The following KLF7 variants were observed in gnomAD, a reference collection of about 807,000 sequenced individuals.
KLF7 encodes the protein KLF transcription factor 7, also known as Krueppel-like factor 7.
A neutral mutation model predicts 27.3 loss-of-function variants in KLF7; 2 were observed. The observed-to-expected ratio is 0.07, with a 90% CI of 0.03 to 0.23. The LOEUF (loss-of-function observed/expected upper bound fraction) is 0.23. Among genes scored for constraint, KLF7 ranks in the 10% least tolerant of loss-of-function variants. The pLI, the probability that KLF7 is intolerant of heterozygous loss-of-function variation, is 1.00. For missense variants in KLF7, 221 were observed against 394.1 expected, an observed-to-expected ratio of 0.56 and a Z score of 3.72; for synonymous variants, 165 against 162.4, an observed-to-expected ratio of 1.02 and a Z score of -0.12.
chr2:207,093,044 A>T (rs1286796310), intron 2 of KLF7, among the ~76,000 whole-genome samples: 1 of 152,216 alleles, frequency 6.6e-6, no homozygotes, highest in Non-Finnish European at 1.5e-5. Flanking sequence ...TATTCTACTT[A>T]TAACAGTCAA....
intron 1 of KLF7, among the ~76,000 whole-genome samples, chr2:207,164,410 T>C (rs1001477003): frequency 1.3e-5 from 2 of 152,150 alleles, no homozygotes; most frequent in Non-Finnish European, 2.9e-5. Context: ...TCTTGGACTT[T>C]CCATGGTGCA....
chr2:207,120,923 A>G (rs2077322563), intron 2 of KLF7: 1 of 152,196 alleles, frequency 6.6e-6, no homozygotes, highest in South Asian at 2.1e-4. Context: ...CCAATTCCAA[A>G]TAAATACTTC....
intron 2 of KLF7, among the ~76,000 whole-genome samples, chr2:207,107,960 G>C (rs552198043): frequency 6.6e-6 from 1 of 152,302 alleles, no homozygotes; most frequent in Admixed American, 6.5e-5. Flanking sequence ...AAGCTGTTCA[G>C]TTAATTTTAA....
chr2:207,149,146 G>T (rs567815916), intron 1 of KLF7: 1 of 1,287,848 alleles, frequency 7.8e-7, no homozygotes, highest in South Asian at 1.2e-5. Context: ...TGATTTCATA[G>T]TCAATAATAA....
intron 1 of KLF7, among the ~76,000 whole-genome samples, chr2:207,130,708 G>T (rs2077607260): frequency 6.6e-6 from 1 of 152,108 alleles, no homozygotes; most frequent in South Asian, 2.1e-4. Flanking sequence ...AACATAAAAG[G>T]TTCAGTTTTT....
chr2:207,115,406 T>C (rs2077151729), intron 2 of KLF7, among the ~76,000 whole-genome samples: 1 of 152,226 alleles, frequency 6.6e-6, no homozygotes, highest in African/African-American at 2.4e-5. Flanking sequence ...TTATTCTCAT[T>C]GCAGACATCC....
At chr2:207,159,561 A>G (rs1336585110) in intron 1 of KLF7, among the ~76,000 whole-genome samples, 3 of 152,202 alleles carry the variant, frequency 2.0e-5, no homozygotes, top group Non-Finnish European at 1.5e-5. Context: ...GCATTGCCCA[A>G]ATACAGTATT....
intron 2 of KLF7, chr2:207,122,109 GA>G (rs2077356466): frequency 6.6e-6 from 1 of 152,186 alleles, no homozygotes; most frequent in Non-Finnish European, 1.5e-5. Context: ...ACTTTAGAAA[GA>G]AAGAAGTATC....
At chr2:207,133,829 C>A (rs2077705297) in intron 1 of KLF7, among the ~76,000 whole-genome samples, 1 of 152,158 alleles carries the variant, frequency 6.6e-6, no homozygotes, top group Non-Finnish European at 1.5e-5. Context: ...ATTTTAAACT[C>A]ACCAATCTCA....
chr2:207,126,170 C>T (rs1190926195), intron 1 of KLF7, among the ~76,000 whole-genome samples: 1 of 152,080 alleles, frequency 6.6e-6, no homozygotes, highest in African/African-American at 2.4e-5. Flanking sequence ...TTCTGAACTC[C>T]ACTTCTCAAA....
chr2:207,105,397 T>C (rs1038932865), intron 2 of KLF7, among the ~76,000 whole-genome samples: 14 of 152,076 alleles, frequency 9.2e-5, no homozygotes, highest in African/African-American at 3.1e-4. Context: ...GCTTGCAAGG[T>C]AGGTGGTGAT....
At chr2:207,124,504 G>C (rs775178104) in intron 1 of KLF7, 100 bp from the exon 2 acceptor site, 2 of 1,202,006 alleles carry the variant, frequency 1.7e-6, no homozygotes, top group Non-Finnish European at 1.2e-6. Flanking sequence ...AGAGAGAATG[G>C]TGTCATGGCT....
In KLF7 at chr2:207,105,272, G is replaced by C. The variant is rs372344053; in HGVS notation, c.734-16691C>G. Among the ~76,000 whole-genome samples the C allele has an allele frequency of 2.6e-5, 4 of 152,294 alleles. No homozygotes were observed. In the East Asian group the frequency reaches 7.7e-4, roughly 29 times the overall value. On this transcript the variant is annotated intron_variant, in intron 2 of 3. Coordinates refer to ENST00000309446, the MANE Select transcript of KLF7 (RefSeq NM_003709.4). The stretch of plus-strand genomic sequence containing the variant: ...CCTGCCGCCCCTTTCTGAAGGGTAG[G>C]TACTGACTGGGCTGGAGTGAAGGAG...
At chr2:207,149,505 A>G (rs907399099) in intron 1 of KLF7, among the ~76,000 whole-genome samples, 1 of 152,174 alleles carries the variant, frequency 6.6e-6, no homozygotes, top group African/African-American at 2.4e-5. Context: ...TCCACTGTTG[A>G]TAAGGCACTC....
At chr2:207,150,172 T>C (rs1272675160) in intron 1 of KLF7, among the ~76,000 whole-genome samples, 1 of 152,120 alleles carries the variant, frequency 6.6e-6, no homozygotes. Flanking sequence ...AAAATACAAT[T>C]GTTAAGAATG....
chr2:207,101,864 C>T (rs1450718897), intron 2 of KLF7, among the ~76,000 whole-genome samples: 1 of 152,152 alleles, frequency 6.6e-6, no homozygotes, highest in Non-Finnish European at 1.5e-5. Context: ...TATGTAGCTC[C>T]ACAAAACCAA....
chr2:207,116,517 T>A (rs2244089), intron 2 of KLF7, among the ~76,000 whole-genome samples: 1 of 152,078 alleles, frequency 6.6e-6, no homozygotes, highest in Non-Finnish European at 1.5e-5. Flanking sequence ...CCATCAATTC[T>A]TATAACGTCA....
rs1574523263 is a variant in KLF7 at position 207,131,375 on chromosome 2, AAG to A, written c.103-6973_103-6972del. On this transcript the variant is annotated intron_variant, in intron 1 of 3. Coordinates refer to ENST00000309446, the MANE Select transcript of KLF7 (RefSeq NM_003709.4). ...GTCCCCAAAGAGTTTCAAGTAAAGAAAGAGAGAAACAAACCCCTTGCCTTTCT... is the reference window on the plus strand; with the variant it reads ...GTCCCCAAAGAGTTTCAAGTAAAGAAAGAGAAACAAACCCCTTGCCTTTCT... Among the ~76,000 whole-genome samples, 11 of 152,354 alleles carry A rather than the reference AAG, an allele frequency of 7.2e-5. No individual in the cohort carries two copies. The South Asian group carries it at 2.3e-3, about 32-fold the overall frequency.
In KLF7 at chr2:207,080,107, G is replaced by A. The variant is rs1036818600; in HGVS notation, c.*1106C>T. The A allele has an allele frequency of 7.2e-5, 11 of 152,302 alleles. No homozygotes were observed. Among genetic ancestry groups the A allele is most frequent in the African/African-American group, 2.2e-4 (9 of 41,568 alleles). The allele number at this position is 152,302 out of a possible 1,614,324, so 9.4% of individuals were successfully genotyped here. A position where few individuals can be genotyped will look rare whatever the true frequency, so the allele number is the denominator to read the frequency against. ...GGGTAGCAATGACACACAGCACAAC[G>A]GTTGATCACTATGAGCTGAGGTCAT... On this transcript the variant is annotated 3_prime_UTR_variant, in exon 4 of 4. Coordinates refer to ENST00000309446, the MANE Select transcript of KLF7 (RefSeq NM_003709.4).
Sources: allele counts gnomAD v4.1 joint callset (sites outside exome capture counted in the v4.1 genomes callset), GRCh38; gene constraint gnomAD v4.1.1; transcripts MANE v1.5; gene names NCBI Gene and HGNC (gene_info 2026-07-23, HGNC 2026-07-21).